The following AUTS2 variants were observed in gnomAD, a reference collection of about 807,000 sequenced individuals.
AUTS2 encodes activator of transcription and developmental regulator AUTS2.
AUTS2 carries 17 observed loss-of-function variants against 112.4 expected under a neutral mutation model. That is an observed-to-expected ratio of 0.15 (90% CI 0.10 to 0.23). AUTS2 has a LOEUF of 0.23. AUTS2 is among the 10% of genes least tolerant of loss of function. The pLI is 1.00. For synonymous variants in AUTS2, 751 were observed against 702.7 expected, an observed-to-expected ratio of 1.07 and a Z score of -1.09; for missense variants, 1,510 against 1,701.6, an observed-to-expected ratio of 0.89 and a Z score of 1.98.
chr7:69,973,373 A>G (rs1208244959), intron 2 of AUTS2, among the ~76,000 whole-genome samples: 1 of 152,220 alleles, frequency 6.6e-6, no homozygotes, highest in East Asian at 1.9e-4. Flanking sequence ...TCATTTGCAA[A>G]TGAGGACAGA....
intron 1 of AUTS2, among the ~76,000 whole-genome samples, chr7:69,845,413 G>A (rs181063341): frequency 1.3e-3 from 204 of 152,092 alleles, no homozygotes; most frequent in Middle Eastern, 3.4e-3. Context: ...CCTGAGGCTC[G>A]TCTCATTGCC....
At chr7:70,318,826 A>G (rs1389832469) in intron 4 of AUTS2, among the ~76,000 whole-genome samples, 47 of 152,306 alleles carry the variant, frequency 3.1e-4, no homozygotes, top group Non-Finnish European at 1.5e-5. Flanking sequence ...TTTTACTACC[A>G]TCAACCTCTC....
At chr7:70,022,357 G>T (rs1171299069) in intron 2 of AUTS2, among the ~76,000 whole-genome samples, 2 of 149,004 alleles carry the variant, frequency 1.3e-5, no homozygotes, top group Non-Finnish European at 3.0e-5. Context: ...GTCTTGCTCT[G>T]TTGCCCAAGC....
intron 4 of AUTS2, among the ~76,000 whole-genome samples, chr7:70,426,944 C>T (rs975497119): frequency 4.0e-5 from 6 of 149,734 alleles, no homozygotes; most frequent in Non-Finnish European, 8.8e-5. Context: ...TATTAGCTTA[C>T]ACAGGACTCC....
intron 1 of AUTS2, among the ~76,000 whole-genome samples, chr7:69,761,961 C>G (rs1788202876): frequency 2.0e-5 from 3 of 152,180 alleles, no homozygotes; most frequent in Admixed American, 1.3e-4. Flanking sequence ...TGGGTACCTA[C>G]TATATGTCAG....
intron 4 of AUTS2, among the ~76,000 whole-genome samples, chr7:70,356,967 T>C (rs2129625115): frequency 6.6e-6 from 1 of 152,302 alleles, no homozygotes; most frequent in African/African-American, 2.4e-5. Flanking sequence ...GTTGTATAAA[T>C]TCCAGAAAAT....
At chr7:70,071,546 G>T (rs1306690304) in intron 2 of AUTS2, among the ~76,000 whole-genome samples, 3 of 152,172 alleles carry the variant, frequency 2.0e-5, no homozygotes, top group Non-Finnish European at 4.4e-5. Flanking sequence ...GGAAAAAAAT[G>T]GATTCTCATT....
intron 4 of AUTS2, among the ~76,000 whole-genome samples, chr7:70,303,984 C>G (rs1789369070): frequency 6.6e-6 from 1 of 152,170 alleles, no homozygotes; most frequent in Non-Finnish European, 1.5e-5. Flanking sequence ...CTAGAGATTA[C>G]TCAGCCAACA....
At chr7:69,890,000 T>C (rs1194715276) in intron 1 of AUTS2, among the ~76,000 whole-genome samples, 1 of 152,178 alleles carries the variant, frequency 6.6e-6, no homozygotes, top group African/African-American at 2.4e-5. Flanking sequence ...GCTTTCAGAA[T>C]GTTGTTGTTA....
chr7:70,390,800 A>G (rs904006947), intron 4 of AUTS2, among the ~76,000 whole-genome samples: 1 of 152,084 alleles, frequency 6.6e-6, no homozygotes, highest in Non-Finnish European at 1.5e-5. Flanking sequence ...GTTCTATATG[A>G]TATAGCCAGG....
intron 5 of AUTS2, among the ~76,000 whole-genome samples, chr7:70,508,067 A>G (rs1481527242): frequency 2.0e-5 from 3 of 152,214 alleles, no homozygotes; most frequent in Non-Finnish European, 2.9e-5. Context: ...GCTTGATTTA[A>G]TCGAAGAGCT....
rs1220552220 is a variant in AUTS2, at chr7:70,058,569, T to C, written c.523-59563T>C. Among the ~76,000 whole-genome samples, 3 of 152,012 alleles carry C rather than the reference T, an allele frequency of 2.0e-5. No homozygotes were observed. In the East Asian group the frequency reaches 5.8e-4, roughly 29 times the overall value. ...TTTGAAGCAGAGGAGAAAAAATTGG[T>C]AATTTGTTTTTCAGGAAGAAACATA... On this transcript the variant is annotated intron_variant, in intron 2 of 18. Coordinates refer to ENST00000342771, the MANE Select transcript of AUTS2 (RefSeq NM_015570.4).
chr7:70,062,781 CTGTT>C (rs1802313603), intron 2 of AUTS2, among the ~76,000 whole-genome samples: 1 of 152,136 alleles, frequency 6.6e-6, no homozygotes, highest in Non-Finnish European at 1.5e-5. Context: ...TACATGAACT[CTGTT>C]GTTTTGAATT....
chr7:69,908,185 C>G (rs1795221192), intron 2 of AUTS2, among the ~76,000 whole-genome samples: 1 of 152,152 alleles, frequency 6.6e-6, no homozygotes, highest in Admixed American at 6.5e-5. Context: ...ACTCTTTGCT[C>G]TTAGAGAGCC....
At chr7:70,754,615 T>C (rs73183022) in intron 6 of AUTS2, among the ~76,000 whole-genome samples, 11,860 of 152,362 alleles carry the variant, frequency 0.078, 614 homozygotes, top group East Asian at 0.18. Context: ...TTATTAATGT[T>C]CGCACTTTAA....
intron 1 of AUTS2, among the ~76,000 whole-genome samples, chr7:69,677,976 A>G (rs979370665): frequency 1.3e-5 from 2 of 152,184 alleles, no homozygotes; most frequent in African/African-American, 4.8e-5. Flanking sequence ...GGAAAAGCCC[A>G]TTTTGAGACC....
At chr7:70,423,089 G>T (rs1795292804) in intron 4 of AUTS2, among the ~76,000 whole-genome samples, 1 of 152,208 alleles carries the variant, frequency 6.6e-6, no homozygotes, top group African/African-American at 2.4e-5. Context: ...AGCCAGTGAA[G>T]TCAGAGCCCT....
At chr7:70,611,400 G>A (rs1804086601) in intron 5 of AUTS2, among the ~76,000 whole-genome samples, 2 of 152,198 alleles carry the variant, frequency 1.3e-5, no homozygotes, top group African/African-American at 4.8e-5. Context: ...GTAGCTTTGG[G>A]AATGAAAGGC....
chr7:70,187,801 C>G (rs1368744256), intron 4 of AUTS2, among the ~76,000 whole-genome samples: 1 of 102,892 alleles, frequency 9.7e-6, no homozygotes, highest in Non-Finnish European at 1.9e-5. Context: ...TTTTTTGAGA[C>G]GGAGTCACTA....
Sources: gnomAD v4.1 joint callset for allele counts (sites outside exome capture counted in the v4.1 genomes callset) on GRCh38, gnomAD v4.1.1 for gene constraint, MANE v1.5 for transcripts, NCBI Gene and HGNC (gene_info 2026-07-23, HGNC 2026-07-21) for gene names.